The following EYS variants were observed in gnomAD, a reference collection of about 807,000 sequenced individuals.
The protein encoded by EYS is protein eyes shut homolog.
Under a neutral mutation model 282.1 loss-of-function variants are expected in EYS, and 250 were observed. The observed-to-expected ratio is 0.89, with a 90% CI of 0.80 to 0.98. The LOEUF (loss-of-function observed/expected upper bound fraction) is 0.98. EYS is among the 50% of genes least tolerant of loss of function. The pLI is 0.00. For synonymous variants in EYS, 1,355 were observed against 1,282.9 expected (o/e 1.06, Z -1.20); for missense variants, 4,016 against 3,709.0 (o/e 1.08, Z -2.15).
intron 12 of EYS, among the ~76,000 whole-genome samples, chr6:65,118,190 T>C (rs1045499100): frequency 6.6e-6 from 1 of 152,254 alleles, no homozygotes; most frequent in Non-Finnish European, 1.5e-5. Flanking sequence ...ATTTGAGGTG[T>C]AGAAAGTATT....
chr6:64,519,833 A>G (rs145110319), intron 26 of EYS, among the ~76,000 whole-genome samples: 1 of 151,986 alleles, frequency 6.6e-6, no homozygotes, highest in African/African-American at 2.4e-5. Context: ...GGGATGTCAA[A>G]AAACCATTCA....
intron 26 of EYS, among the ~76,000 whole-genome samples, chr6:64,584,397 T>A (rs1766168055): frequency 6.6e-6 from 1 of 151,512 alleles, no homozygotes; most frequent in South Asian, 2.1e-4. Context: ...TTCCAATTTT[T>A]AAAATTTTAA....
intron 5 of EYS, among the ~76,000 whole-genome samples, chr6:65,458,987 AT>A (rs1255297526): frequency 1.3e-5 from 2 of 152,148 alleles, no homozygotes; most frequent in Non-Finnish European, 1.5e-5. Flanking sequence ...CTTACAAAAA[AT>A]TTAATTAAAA....
intron 29 of EYS, among the ~76,000 whole-genome samples, chr6:64,360,168 T>G (rs1771957641): frequency 6.6e-6 from 1 of 151,794 alleles, no homozygotes; most frequent in Non-Finnish European, 1.5e-5. Context: ...ATTATTCTAA[T>G]TCTAATGTAG....
Position 64,701,291 on chromosome 6 carries a change from C to A in EYS, c.3444-75046G>T, listed in dbSNP as rs568811701. ...TACTAAAAGAAAACTTAAAAGAAAT[C>A]TTGGATATTTGCCTAGGCAAAGAAT... On this transcript the variant is annotated intron_variant, in intron 22 of 42. Coordinates refer to ENST00000503581, the MANE Select transcript of EYS (RefSeq NM_001142800.2). Among the ~76,000 whole-genome samples the A allele has an allele frequency of 3.4e-4, 52 of 152,194 alleles. 1 individual carries two copies. The South Asian group carries it at 9.9e-3, about 29-fold the overall frequency.
At chr6:65,429,397 A>G (rs1319264552) in intron 5 of EYS, among the ~76,000 whole-genome samples, 3 of 152,182 alleles carry the variant, frequency 2.0e-5, no homozygotes, top group African/African-American at 7.2e-5. Flanking sequence ...AAAACAAAAC[A>G]GTGAGGCAGA....
At chr6:64,325,187 G>A (rs1770365622) in intron 29 of EYS, among the ~76,000 whole-genome samples, 1 of 152,154 alleles carries the variant, frequency 6.6e-6, no homozygotes. Context: ...GGACCCTGGA[G>A]ATATCTCAAA....
At chr6:64,541,606 T>A (rs1764697397) in intron 26 of EYS, among the ~76,000 whole-genome samples, 1 of 152,154 alleles carries the variant, frequency 6.6e-6, no homozygotes, top group African/African-American at 2.4e-5. Context: ...ATTACTAAAG[T>A]ATATTTTCCC....
At chr6:65,583,443 G>T (rs893751313) in intron 2 of EYS, among the ~76,000 whole-genome samples, 1 of 151,916 alleles carries the variant, frequency 6.6e-6, no homozygotes, top group Non-Finnish European at 1.5e-5. Context: ...ACACCTTAAG[G>T]ATGCCAAAAG....
chr6:65,173,063 C>G (rs959152175), intron 12 of EYS, among the ~76,000 whole-genome samples: 2 of 150,918 alleles, frequency 1.3e-5, no homozygotes, highest in East Asian at 2.0e-4. Context: ...ACAGCTTTAT[C>G]AAGAAGATAA....
At chr6:64,947,653 CT>C (rs67440131) in intron 14 of EYS, among the ~76,000 whole-genome samples, 22,572 of 129,120 alleles carry the variant, frequency 0.17, 1,161 homozygotes, top group East Asian at 0.25. Context: ...CTTATTTTTT[CT>C]TTTTTTTTTT....
rs938761004 is a variant in EYS at position 65,061,859 on chromosome 6, T to A, written c.2024-4132A>T. The stretch of plus-strand genomic sequence containing the variant: ...CAAAAAGCAATCCAAATAATTAGAG[T>A]TCTGTTTCATGCATAGTATCTCAAA... On this transcript the variant is annotated intron_variant, in intron 12 of 42. Coordinates refer to ENST00000503581, the MANE Select transcript of EYS (RefSeq NM_001142800.2). Among the ~76,000 whole-genome samples the A allele has an allele frequency of 2.0e-5, 3 of 151,752 alleles. No individual in the cohort carries two copies. The South Asian group carries it at 6.2e-4, about 31-fold the overall frequency.
rs1479059179 is a variant in EYS at position 63,789,181 on chromosome 6, G to A, written c.7455C>T (p.Gly2485=). The A allele has an allele frequency of 3.6e-5, 56 of 1,551,716 alleles. 1 individual carries two copies. Reference sequence around the variant, plus strand: ...CCAGGTTATAACTATAAACCACACTGCCATTGAGCAGGCCCACAGCCAGGA... The same window carrying A: ...CCAGGTTATAACTATAAACCACACTACCATTGAGCAGGCCCACAGCCAGGA... ...DDFLAVGLLN[G]SVVYSYNLGS... The change falls in exon 38 of 43, where the codon GGC becomes GGT. Residue 2485 remains glycine, a synonymous_variant. Coordinates refer to ENST00000503581, the MANE Select transcript of EYS (RefSeq NM_001142800.2).
chr6:64,438,928 A>T (rs1388483797), intron 27 of EYS, among the ~76,000 whole-genome samples: 1 of 151,676 alleles, frequency 6.6e-6, no homozygotes, highest in African/African-American at 2.4e-5. Context: ...TTTTTTGAAT[A>T]AGTTGTTAAC....
At chr6:65,338,824 T>G (rs889820224) in intron 10 of EYS, among the ~76,000 whole-genome samples, 4 of 151,062 alleles carry the variant, frequency 2.6e-5, no homozygotes, top group Admixed American at 6.6e-5. Context: ...CACAATATTA[T>G]TACCCCAAAG....
At chr6:63,761,321 A>G (rs1041567608) in intron 41 of EYS, among the ~76,000 whole-genome samples, 6 of 151,990 alleles carry the variant, frequency 3.9e-5, no homozygotes, top group Admixed American at 1.3e-4. Flanking sequence ...TCACTATGAG[A>G]GACTGATTTA....
chr6:64,840,242 C>A (rs537129788), intron 19 of EYS, among the ~76,000 whole-genome samples: 1 of 151,940 alleles, frequency 6.6e-6, no homozygotes, highest in Admixed American at 6.6e-5. Context: ...TGGTCACATA[C>A]TATTATTATT....
intron 37 of EYS, among the ~76,000 whole-genome samples, chr6:63,794,973 A>G (rs899230507): frequency 1.3e-5 from 2 of 152,210 alleles, no homozygotes; most frequent in African/African-American, 4.8e-5. Flanking sequence ...TGCAAGTAGT[A>G]AAAAGAGGAG....
intron 5 of EYS, chr6:65,489,577 A>T (rs1765949774): frequency 6.6e-6 from 1 of 152,158 alleles, no homozygotes; most frequent in African/African-American, 2.4e-5. Context: ...GTGATTCCTC[A>T]AGGATCTAGA....
Sources: allele counts gnomAD v4.1 joint callset (sites outside exome capture counted in the v4.1 genomes callset), GRCh38; gene constraint gnomAD v4.1.1; transcripts MANE v1.5; gene names NCBI Gene and HGNC (gene_info 2026-07-23, HGNC 2026-07-21).